Variants in MAGI2 observed in about 807,000 individuals in gnomAD.
MAGI2 encodes membrane associated guanylate kinase, WW and PDZ domain containing 2.
In MAGI2, 35 loss-of-function variants were observed where a neutral mutation model predicts 133.3. The ratio of observed to expected loss-of-function variants is 0.26; its 90% CI spans 0.20 to 0.35. MAGI2 has a LOEUF of 0.35. Ranked by LOEUF, MAGI2 falls within the 10% of genes least tolerant of loss-of-function variation. The pLI, the probability that MAGI2 is intolerant of heterozygous loss-of-function variation, is 1.00. For missense variants in MAGI2, 1,636 were observed against 1,863.4 expected (o/e 0.88, Z 2.25); for synonymous variants, 729 against 710.6 (o/e 1.03, Z -0.41).
intron 1 of MAGI2, among the ~76,000 whole-genome samples, chr7:79,220,299 C>T (rs1724998905): frequency 6.6e-6 from 1 of 151,984 alleles, no homozygotes; most frequent in African/African-American, 2.4e-5. Flanking sequence ...CACACAATGT[C>T]TTAACTACCT....
intron 1 of MAGI2, among the ~76,000 whole-genome samples, chr7:79,151,438 G>T (rs76395476): frequency 6.6e-6 from 1 of 152,060 alleles, no homozygotes; most frequent in East Asian, 1.9e-4. Context: ...TGTTACGAAA[G>T]CTCCTTATTC....
intron 1 of MAGI2, among the ~76,000 whole-genome samples, chr7:79,215,225 A>G (rs1471140650): frequency 6.6e-6 from 1 of 152,008 alleles, no homozygotes; most frequent in Non-Finnish European, 1.5e-5. Flanking sequence ...TGCAGCAATA[A>G]GATACATCAT....
intron 6 of MAGI2, among the ~76,000 whole-genome samples, chr7:78,440,728 G>C (rs1787532595): frequency 6.6e-6 from 1 of 152,128 alleles, no homozygotes; most frequent in Admixed American, 6.6e-5. Context: ...AGGGAGGGTA[G>C]ATCACTTGAG....
rs200072939 is a variant in MAGI2 at position 78,831,406 on chromosome 7, CT to C, written c.418+175683del. ...TATAAGCTCAGAACTTTAAAATTAT[CT>C]TTTTTTTTTTTTGAGACAAATTCTC... On this transcript the variant is annotated intron_variant, in intron 2 of 21. Transcript: ENST00000354212. 4.4e-3 allele frequency among the ~76,000 whole-genome samples: 644 copies of C among 145,458 alleles called. 1 individual carries two copies. Among genetic ancestry groups the C allele is most frequent in the African/African-American group, 9.4e-3 (378 of 40,054 alleles).
chr7:78,642,677 A>G (rs1473725913), intron 2 of MAGI2, among the ~76,000 whole-genome samples: 2 of 152,244 alleles, frequency 1.3e-5, no homozygotes, highest in Non-Finnish European at 2.9e-5. Context: ...ATTCACAAGC[A>G]CTAATACTTA....
chr7:79,289,873 TA>T (rs71518915), intron 1 of MAGI2, among the ~76,000 whole-genome samples: 2,702 of 151,748 alleles, frequency 0.018, 36 homozygotes, highest in East Asian at 0.03. Flanking sequence ...CTTAGAATTG[TA>T]AAAAAAAATT....
At chr7:79,443,277 T>TGTGC (rs997605403) in intron 1 of MAGI2, among the ~76,000 whole-genome samples, 5 of 88,750 alleles carry the variant, frequency 5.6e-5, no homozygotes, top group East Asian at 2.9e-4. Context: ...TGTGTGTGTG[T>TGTGC]GTGTGTGCGT....
chr7:78,660,438 C>T (rs1219379217), intron 2 of MAGI2, among the ~76,000 whole-genome samples: 1 of 151,956 alleles, frequency 6.6e-6, no homozygotes, highest in African/African-American at 2.4e-5. Context: ...AATATCAACT[C>T]GATTCACAGA....
rs192735184 is a variant in MAGI2, at chr7:78,330,729, G to C, written c.1408+13049C>G. ...AACTAAGCCTTGGGGATTTATTAAC[G>C]ATCAAGTCAGACACAGGTTTTGATC... On this transcript the variant is annotated intron_variant, in intron 9 of 21. Coordinates refer to ENST00000354212, the MANE Select transcript of MAGI2 (RefSeq NM_012301.4). Among the ~76,000 whole-genome samples the C allele has an allele frequency of 3.6e-4, 54 of 150,346 alleles. 1 individual carries two copies. Among genetic ancestry groups the C allele is most frequent in the Middle Eastern group, 6.8e-3 (2 of 294 alleles).
chr7:78,127,485 C>T lies in MAGI2; in HGVS notation c.3204-69G>A. 2.4e-6 allele frequency: 3 copies of T among 1,237,424 alleles called. No individual in the cohort carries two copies. The South Asian group carries it at 3.7e-5, about 15-fold the overall frequency. 76.7% of individuals were successfully genotyped at this position (1,237,424 alleles called of 1,614,324 possible). On this transcript the variant is annotated intron_variant, in intron 18 of 21. Transcript: ENST00000354212. Reference sequence around the variant, plus strand: ...TAAAGAGGCTAGAGTGATCACACGGCCTCCAGAGGTGGGCCAGCCATGACA... The same window carrying T: ...TAAAGAGGCTAGAGTGATCACACGGTCTCCAGAGGTGGGCCAGCCATGACA...
intron 1 of MAGI2, among the ~76,000 whole-genome samples, chr7:79,146,407 C>T (rs1388733089): frequency 6.6e-6 from 1 of 152,152 alleles, no homozygotes; most frequent in Non-Finnish European, 1.5e-5. Context: ...TGGTTTCCTA[C>T]TGCCTATCCT....
chr7:78,856,834 A>G (rs1369903184), intron 2 of MAGI2, among the ~76,000 whole-genome samples: 1 of 152,164 alleles, frequency 6.6e-6, no homozygotes, highest in Non-Finnish European at 1.5e-5. Context: ...TCTATAAAGT[A>G]CCACGGGCAG....
At chr7:79,270,081 G>C (rs1030408677) in intron 1 of MAGI2, among the ~76,000 whole-genome samples, 2 of 151,884 alleles carry the variant, frequency 1.3e-5, no homozygotes, top group African/African-American at 2.4e-5. Flanking sequence ...GGCCTATGAC[G>C]CATGACTCAA....
At chr7:78,598,405 T>G (rs1804842672) in intron 3 of MAGI2, among the ~76,000 whole-genome samples, 1 of 151,846 alleles carries the variant, frequency 6.6e-6, no homozygotes. Flanking sequence ...AGGAAAACCT[T>G]GAGTTATGAG....
intron 1 of MAGI2, chr7:79,125,710 G>A: frequency 1.9e-6 from 1 of 527,370 alleles, no homozygotes; most frequent in Non-Finnish European, 3.8e-6. Flanking sequence ...GGAGGCAGAA[G>A]CTCTGGCCCC....
intron 1 of MAGI2, among the ~76,000 whole-genome samples, chr7:79,032,489 G>A (rs1329841898): frequency 2.0e-5 from 3 of 147,308 alleles, no homozygotes; most frequent in African/African-American, 7.6e-5. Flanking sequence ...TTGCACTCCA[G>A]CCTGGGTGAC....
chr7:78,607,251 A>T (rs940868396), intron 3 of MAGI2, among the ~76,000 whole-genome samples: 1 of 152,156 alleles, frequency 6.6e-6, no homozygotes, highest in Non-Finnish European at 1.5e-5. Flanking sequence ...GCTAGGGGGC[A>T]GTCATGTCAC....
chr7:78,175,052 A>G (rs376852808), intron 14 of MAGI2, among the ~76,000 whole-genome samples: 12 of 152,298 alleles, frequency 7.9e-5, no homozygotes, highest in African/African-American at 2.9e-4. Flanking sequence ...TCTAATTTTT[A>G]TCCTTTCACT....
At chr7:78,881,112 C>G (rs1174014512) in intron 2 of MAGI2, among the ~76,000 whole-genome samples, 1 of 152,130 alleles carries the variant, frequency 6.6e-6, no homozygotes, top group Admixed American at 6.5e-5. Flanking sequence ...GACAACCACA[C>G]AGTAATAGTG....
Sources: gnomAD v4.1 joint callset for allele counts (sites outside exome capture counted in the v4.1 genomes callset) on GRCh38, gnomAD v4.1.1 for gene constraint, MANE v1.5 for transcripts, NCBI Gene and HGNC (gene_info 2026-07-23, HGNC 2026-07-21) for gene names.